The following TRAPPC8 variants were observed in gnomAD, a reference collection of about 807,000 sequenced individuals.
TRAPPC8 encodes trafficking protein particle complex subunit 8.
Under a neutral mutation model 174.3 loss-of-function variants are expected in TRAPPC8, and 54 were observed. The ratio of observed to expected loss-of-function variants is 0.31; its 90% CI spans 0.25 to 0.39. The LOEUF (loss-of-function observed/expected upper bound fraction) is 0.39. TRAPPC8 is among the 10% of genes least tolerant of loss of function. The probability of loss-of-function intolerance (pLI) is 1.00; values close to 1 mark genes in which losing one functional copy is unlikely to be tolerated. For missense variants in TRAPPC8, 1,531 were observed against 1,699.1 expected (o/e 0.90, Z 1.74); for synonymous variants, 630 against 579.9 (o/e 1.09, Z -1.24).
At chr18:31,924,812 T>C (rs2037545241) in intron 2 of TRAPPC8, among the ~76,000 whole-genome samples, 1 of 149,936 alleles carries the variant, frequency 6.7e-6, no homozygotes, top group Non-Finnish European at 1.5e-5. Context: ...TGCTTTTAAA[T>C]GCAAATAGCA....
rs542965437 is a variant in TRAPPC8 at position 31,942,590 on chromosome 18, A to C, written c.157+18T>G. 2 of 1,516,378 alleles carry C rather than the reference A, an allele frequency of 1.3e-6. No individual in the cohort carries two copies. Among genetic ancestry groups the C allele is most frequent in the African/African-American group, 2.9e-5 (2 of 70,138 alleles). 93.9% of individuals were successfully genotyped at this position (1,516,378 alleles called of 1,614,324 possible). A position where few individuals can be genotyped will look rare whatever the true frequency, so the allele number is the denominator to read the frequency against. On this transcript the variant is annotated intron_variant, in intron 1 of 28. Coordinates refer to ENST00000283351, the MANE Select transcript of TRAPPC8 (RefSeq NM_014939.5). ...CGGCTTTGCGGGAGCCCACTGGAAA[A>C]GGGAGGATACCACATACCCTCGGAA...
At chr18:31,851,895 A>G (rs2033723822) in intron 24 of TRAPPC8, among the ~76,000 whole-genome samples, 1 of 152,212 alleles carries the variant, frequency 6.6e-6, no homozygotes, top group Non-Finnish European at 1.5e-5. Flanking sequence ...ATATCCCAAG[A>G]ACTATACTTA....
At chr18:31,921,278 G>C (rs780355267) in intron 2 of TRAPPC8, among the ~76,000 whole-genome samples, 36 of 152,066 alleles carry the variant, frequency 2.4e-4, no homozygotes, top group Non-Finnish European at 4.4e-4. Context: ...AGAGAAAGAA[G>C]GGAGATAAGA....
chr18:31,926,718 C>T (rs2145601447), intron 2 of TRAPPC8: 1 of 152,122 alleles, frequency 6.6e-6, no homozygotes, highest in African/African-American at 2.4e-5. Context: ...TGAGCCACCA[C>T]AAGATGTTTT....
At position 31,942,782 on chromosome 18, in the gene TRAPPC8, C is replaced by T; in HGVS notation, c.-18G>A. 3.6e-6 allele frequency: 5 copies of T among 1,397,196 alleles called. No homozygotes were observed. Among genetic ancestry groups the T allele is most frequent in the South Asian group, 1.6e-5 (1 of 62,674 alleles). The allele number at this position is 1,397,196 out of a possible 1,614,324, so 86.5% of individuals were successfully genotyped here. A position where few individuals can be genotyped will look rare whatever the true frequency, so the allele number is the denominator to read the frequency against. On this transcript the variant is annotated 5_prime_UTR_variant, in exon 1 of 29. Transcript: ENST00000283351. The stretch of plus-strand genomic sequence containing the variant: ...TGGGCCATCGCCGCAGCACAGGCAG[C>T]GGCGGCGCCCGCCCTCCGGCCCACC...
chr18:31,855,795 T>G lies in TRAPPC8; in HGVS notation c.3201A>C (p.Leu1067Phe). The G allele has an allele frequency of 6.3e-7, 1 of 1,591,262 alleles. No homozygotes were observed. The highest frequency in any genetic ancestry group is 8.5e-7 in the Non-Finnish European group (1 of 1,175,050). The change falls in exon 21 of 29, where the codon TTA becomes TTC. Residue 1067 changes from leucine (L) to phenylalanine (F), a missense_variant. Physicochemically the swap from Leu to Phe is conservative, Grantham distance 22. Transcript: ENST00000283351. The part of the protein sequence containing the change: ...KKQPKIRHRI[L>F]RHTAIICTSR... The stretch of plus-strand genomic sequence containing the variant: ...TGGTACAAATAATTGCAGTGTGTCT[T>G]AATATTCTGTGCCTGAAGTTAAAAA...
intron 1 of TRAPPC8, among the ~76,000 whole-genome samples, chr18:31,934,213 A>G (rs944663950): frequency 7.2e-5 from 11 of 152,044 alleles, no homozygotes; most frequent in Non-Finnish European, 1.6e-4. Flanking sequence ...TGCAAATTCT[A>G]TGATAGTGGT....
chr18:31,895,085 A>C (rs988474349), intron 11 of TRAPPC8, among the ~76,000 whole-genome samples: 1 of 152,186 alleles, frequency 6.6e-6, no homozygotes, highest in African/African-American at 2.4e-5. Context: ...TGCAGTACAC[A>C]AAGTCAAAGC....
chr18:31,900,083 A>G (rs934707332), intron 10 of TRAPPC8, among the ~76,000 whole-genome samples: 1 of 151,514 alleles, frequency 6.6e-6, no homozygotes, highest in Non-Finnish European at 1.5e-5. Flanking sequence ...TAAAAATACA[A>G]AATAGCCAGG....
chr18:31,909,468 A>T, intron 6 of TRAPPC8, 199 bp downstream of exon 6: 16 of 672,582 alleles, frequency 2.4e-5, no homozygotes, highest in South Asian at 2.0e-4. Context: ...TCTATACACT[A>T]CTCATATAAA....
chr18:31,849,707 G>A lies in TRAPPC8; in HGVS notation c.3594C>T (p.Phe1198=), dbSNP rs2033607521. The change falls in exon 25 of 29, where the codon TTC becomes TTT. Residue 1198 remains phenylalanine, a synonymous_variant. Coordinates refer to ENST00000283351, the MANE Select transcript of TRAPPC8 (RefSeq NM_014939.5). ...ATTCAGAAGATAAACTTCGATAAAAGAAGTCTGCACATGGGCTTGCTGAAC... is the reference window on the plus strand; with the variant it reads ...ATTCAGAAGATAAACTTCGATAAAAAAAGTCTGCACATGGGCTTGCTGAAC... ...IISSASPCAD[F]FYRSLSSELK... The A allele has an allele frequency of 6.2e-6, 10 of 1,610,512 alleles. No homozygotes were observed. The South Asian group carries it at 6.6e-5, about 11-fold the overall frequency.
intron 12 of TRAPPC8, among the ~76,000 whole-genome samples, chr18:31,879,914 G>C (rs898907490): frequency 6.7e-6 from 1 of 148,256 alleles, no homozygotes; most frequent in African/African-American, 2.5e-5. Context: ...GACTGAACAA[G>C]GAAGAAACTC....
chr18:31,934,497 GAAAC>G (rs534132265), intron 1 of TRAPPC8, among the ~76,000 whole-genome samples: 115 of 152,106 alleles, frequency 7.6e-4, no homozygotes, highest in South Asian at 3.9e-3. Flanking sequence ...ATGCAGCAGA[GAAAC>G]AAACAAACAA....
intron 13 of TRAPPC8, chr18:31,873,804 G>A (rs559712565): frequency 9.5e-6 from 3 of 316,914 alleles, no homozygotes; most frequent in African/African-American, 4.4e-5. Context: ...TTTAGTAAGC[G>A]TTTTACTTCT....
Position 31,830,672 on chromosome 18 carries a change from CAA to C in TRAPPC8, c.*81_*82del. The C allele has an allele frequency of 8.6e-7, 1 of 1,166,934 alleles. No individual in the cohort carries two copies. The highest frequency in any genetic ancestry group is 1.2e-6 in the Non-Finnish European group (1 of 829,008). The allele number at this position is 1,166,934 out of a possible 1,614,324, so 72.3% of individuals were successfully genotyped here. The stretch of plus-strand genomic sequence containing the variant: ...ATCAGATATCAATCAACCTCCATAA[CAA>C]GTTAGGTATATCAAATACTGCTGTA... On this transcript the variant is annotated 3_prime_UTR_variant, in exon 29 of 29. Transcript: ENST00000283351.
chr18:31,933,855 G>C (rs1323710577), intron 1 of TRAPPC8, among the ~76,000 whole-genome samples: 1 of 152,000 alleles, frequency 6.6e-6, no homozygotes, highest in Admixed American at 6.6e-5. Context: ...TGGTACAAAT[G>C]TGTATTTATA....
intron 26 of TRAPPC8, among the ~76,000 whole-genome samples, chr18:31,841,736 T>C (rs1031029609): frequency 1.3e-5 from 2 of 152,172 alleles, no homozygotes; most frequent in Non-Finnish European, 2.9e-5. Flanking sequence ...CCTCACAGGG[T>C]TGTAATTTTA....
At chr18:31,854,105 A>G (rs1272814493) in intron 21 of TRAPPC8, among the ~76,000 whole-genome samples, 160 bp from the exon 22 acceptor site, 1 of 152,226 alleles carries the variant, frequency 6.6e-6, no homozygotes, top group African/African-American at 2.4e-5. Context: ...ATCCCTTTCT[A>G]AACACTTTCA....
chr18:31,908,925 A>C lies in TRAPPC8; in HGVS notation c.951T>G (p.His317Gln). Reference protein sequence around the residue: ...DPSNSIDGPDHLRSASSLHET... With the variant: ...DPSNSIDGPDQLRSASSLHET... ...CATGTAACGATGAAGCAGATCTTAGATGATCTGGGCCATCAATACTGTTAG... is the reference window on the plus strand; with the variant it reads ...CATGTAACGATGAAGCAGATCTTAGCTGATCTGGGCCATCAATACTGTTAG... Residue 317 changes from histidine (H) to glutamine (Q), a missense_variant, in exon 7 of 29, where the codon CAT becomes CAG. By Grantham distance (24) the His-to-Gln change is conservative. Transcript: ENST00000283351. 6.2e-7 allele frequency: 1 copy of C among 1,613,760 alleles called. No individual in the cohort carries two copies. Among genetic ancestry groups the C allele is most frequent in the Non-Finnish European group, 8.5e-7 (1 of 1,179,782 alleles).
Sources: gnomAD v4.1 joint callset for allele counts (sites outside exome capture counted in the v4.1 genomes callset) on GRCh38, gnomAD v4.1.1 for gene constraint, MANE v1.5 for transcripts, NCBI Gene and HGNC (gene_info 2026-07-23, HGNC 2026-07-21) for gene names.